Variants in MYO18A observed in about 807,000 individuals in gnomAD.
MYO18A encodes the protein unconventional myosin-XVIIIa.
In MYO18A, 78 loss-of-function variants were observed where a neutral mutation model predicts 235.8. The ratio of observed to expected loss-of-function variants is 0.33; its 90% CI spans 0.28 to 0.40. The LOEUF (loss-of-function observed/expected upper bound fraction) is 0.40, where lower values mean the gene tolerates loss of function less well. Among genes scored for constraint, MYO18A ranks in the 10% least tolerant of loss-of-function variants. The pLI is 1.00. For synonymous variants in MYO18A, 977 were observed against 1,077.8 expected (o/e 0.91, Z 1.83); for missense variants, 2,215 against 2,699.3 (o/e 0.82, Z 3.98).
chr17:29,122,725 A>C, intron 2 of MYO18A, among the ~76,000 whole-genome samples: 1 of 152,344 alleles, frequency 6.6e-6, no homozygotes, highest in Non-Finnish European at 1.5e-5. Context: ...TCCTTTGCCA[A>C]GCTGGGAGAG....
At chr17:29,084,206 G>A (rs1430418320) in intron 40 of MYO18A, among the ~76,000 whole-genome samples, 1 of 152,114 alleles carries the variant, frequency 6.6e-6, no homozygotes. Context: ...GTGCATGCGT[G>A]GTGTACCTGT....
intron 2 of MYO18A, among the ~76,000 whole-genome samples, chr17:29,156,637 C>T (rs1320017087): frequency 1.3e-5 from 2 of 152,240 alleles, no homozygotes; most frequent in East Asian, 1.9e-4. Flanking sequence ...TTCCTGAGTA[C>T]AGAACCATCT....
At chr17:29,075,873 G>C (rs192460369) in intron 41 of MYO18A, 1 of 153,180 alleles carries the variant, frequency 6.5e-6, no homozygotes, top group Admixed American at 6.5e-5. Flanking sequence ...CCCCACACTC[G>C]GCGTGGTCCC....
chr17:29,148,557 T>C (rs1313898336), intron 2 of MYO18A, among the ~76,000 whole-genome samples: 1 of 151,332 alleles, frequency 6.6e-6, no homozygotes, highest in African/African-American at 2.4e-5. Context: ...CTTCCCTTTC[T>C]TGGGAGGAAT....
At chr17:29,122,053 C>T (rs1490126938) in intron 3 of MYO18A, 96 bp from the exon 4 acceptor site, 4 of 1,513,840 alleles carry the variant, frequency 2.6e-6, no homozygotes, top group Non-Finnish European at 2.7e-6. Context: ...CACTGCATCA[C>T]CAGCCTCTCC....
chr17:29,134,867 G>C (rs1012760471), intron 2 of MYO18A, among the ~76,000 whole-genome samples: 24 of 152,054 alleles, frequency 1.6e-4, no homozygotes, highest in Non-Finnish European at 3.2e-4. Context: ...GCAGGCCTGT[G>C]ACCTAGGAGA....
chr17:29,168,373 C>T (rs1028493102), intron 1 of MYO18A, among the ~76,000 whole-genome samples: 2 of 152,210 alleles, frequency 1.3e-5, no homozygotes, highest in African/African-American at 4.8e-5. Flanking sequence ...CCAATAAAAA[C>T]CTGGTGGGAA....
chr17:29,173,388 G>A (rs1216285486), intron 1 of MYO18A, among the ~76,000 whole-genome samples: 3 of 148,744 alleles, frequency 2.0e-5, no homozygotes, highest in South Asian at 2.1e-4. Context: ...CACTGCGCCC[G>A]GCCCTTTTTT....
intron 26 of MYO18A, 48 bp downstream of exon 26, chr17:29,097,740 G>A (rs752250271): frequency 6.6e-7 from 1 of 1,519,026 alleles, no homozygotes; most frequent in Non-Finnish European, 9.0e-7. Context: ...GTGGGCATCA[G>A]GGCTCGCATT....
chr17:29,104,901 C>A (rs2066743622), intron 20 of MYO18A, among the ~76,000 whole-genome samples: 1 of 152,042 alleles, frequency 6.6e-6, no homozygotes, highest in Non-Finnish European at 1.5e-5. Flanking sequence ...GCCAGTTGGG[C>A]CAGGCGCGGT....
intron 41 of MYO18A, chr17:29,081,022 G>A (rs569399627): frequency 6.1e-6 from 6 of 984,912 alleles, no homozygotes; most frequent in Admixed American, 6.1e-5. Flanking sequence ...CGTTCCGAGG[G>A]AGGATGCGAG....
chr17:29,161,291 G>A (rs1369526303), intron 2 of MYO18A, among the ~76,000 whole-genome samples: 1 of 148,896 alleles, frequency 6.7e-6, no homozygotes, highest in Non-Finnish European at 1.5e-5. Context: ...GGAGACGGAA[G>A]TTGCAGTGAG....
intron 2 of MYO18A, among the ~76,000 whole-genome samples, chr17:29,160,620 T>C (rs1209018038): frequency 2.6e-5 from 4 of 152,244 alleles, no homozygotes; most frequent in Non-Finnish European, 5.9e-5. Flanking sequence ...AAAGGTTTGA[T>C]AACTTTGGTA....
At chr17:29,160,567 T>A (rs1394378263) in intron 2 of MYO18A, among the ~76,000 whole-genome samples, 1 of 152,244 alleles carries the variant, frequency 6.6e-6, no homozygotes, top group East Asian at 1.9e-4. Context: ...TAGGTCAACT[T>A]CATTAAATAT....
At chr17:29,085,565 G>A (rs773386854) in intron 40 of MYO18A, 39 bp downstream of exon 40, 23 of 1,607,438 alleles carry the variant, frequency 1.4e-5, no homozygotes, top group Middle Eastern at 1.7e-4. Context: ...TTAGACACCC[G>A]CGAGGACAGG....
intron 41 of MYO18A, among the ~76,000 whole-genome samples, chr17:29,081,939 G>A (rs1364126681): frequency 2.6e-5 from 4 of 152,184 alleles, no homozygotes; most frequent in Admixed American, 6.5e-5. Flanking sequence ...ACGGTAAGAC[G>A]TCAGAGATCC....
chr17:29,174,980 CTA>C (rs2068490894), intron 1 of MYO18A, among the ~76,000 whole-genome samples: 1 of 152,076 alleles, frequency 6.6e-6, no homozygotes, highest in African/African-American at 2.4e-5. Context: ...AAACCTATAT[CTA>C]TATATGTGCA....
In MYO18A at chr17:29,111,472, T is replaced by G. The variant is rs773598267; in HGVS notation, c.2852A>C (p.Gln951Pro). 3 of 1,612,550 alleles carry G rather than the reference T, an allele frequency of 1.9e-6. No homozygotes were observed. The highest frequency in any genetic ancestry group is 3.3e-5 in the Admixed American group (2 of 59,754). ...GGGGGCATTCTGGGTGGCTGGGTTC[T>G]GCTTGGTGTAGTTCAGCCAGCCAGT... ...NVTGWLNYTK[Q>P]NPATQNAPRL... The change falls in exon 17 of 42, where the codon CAG becomes CCG. Residue 951 changes from glutamine (Q) to proline (P), a missense_variant. Gln to Pro is a moderately conservative substitution (Grantham distance 76). Transcript: ENST00000527372. The surrounding 1 kb of genome is among the most constrained non-coding windows in gnomAD (Gnocchi z 5.1).
chr17:29,162,646 C>G (rs1357401468), intron 2 of MYO18A, among the ~76,000 whole-genome samples: 1 of 152,240 alleles, frequency 6.6e-6, no homozygotes, highest in African/African-American at 2.4e-5. Flanking sequence ...CTCCCGCTTA[C>G]TATGAGCTCC....
Sources: gnomAD v4.1 joint callset for allele counts (sites outside exome capture counted in the v4.1 genomes callset) on GRCh38, gnomAD v4.1.1 for gene constraint, Gnocchi (gnomAD v3.1) non-coding constraint, MANE v1.5 for transcripts, NCBI Gene and HGNC (gene_info 2026-07-23, HGNC 2026-07-21) for gene names.